The following OR2L3 variants were observed in gnomAD, a reference collection of about 807,000 sequenced individuals.
OR2L3 encodes olfactory receptor family 2 subfamily L member 3.
For missense variants in OR2L3, 369 were observed against 376.6 expected, an observed-to-expected ratio of 0.98 and a Z score of 0.17; for synonymous variants, 131 against 139.1, an observed-to-expected ratio of 0.94 and a Z score of 0.41.
rs1482611480 is a variant in OR2L3 at position 248,061,890 on chromosome 1, T to C, written c.*270T>C. On this transcript the variant is annotated 3_prime_UTR_variant, in exon 2 of 2. Transcript: ENST00000359959. ...CAATGAGAATTTTTGTTTTTGGTCA[T>C]GCAGAAATAGAAATGAAATTGGTCT... 6 of 295,000 alleles carry C rather than the reference T, an allele frequency of 2.0e-5. 1 individual carries two copies. In the Middle Eastern group the frequency reaches 5.0e-3, roughly 246 times the overall value. The allele number at this position is 295,000 out of a possible 1,614,324, so 18.3% of individuals were successfully genotyped here. A position where few individuals can be genotyped will look rare whatever the true frequency, so the allele number is the denominator to read the frequency against.
chr1:248,047,183 C>A (rs757285565), intron 1 of OR2L3, among the ~76,000 whole-genome samples: 13 of 152,086 alleles, frequency 8.5e-5, no homozygotes, highest in African/African-American at 1.2e-4. Context: ...ATTAAAGAAC[C>A]CACATTCATA....
At chr1:248,047,015 A>T (rs940823450) in intron 1 of OR2L3, 135 bp downstream of exon 1, 2 of 152,190 alleles carry the variant, frequency 1.3e-5, no homozygotes, top group Non-Finnish European at 2.9e-5. Flanking sequence ...TTTCTATAAC[A>T]CCATTCAGCA....
At chr1:248,048,086 A>C (rs780263810) in intron 1 of OR2L3, among the ~76,000 whole-genome samples, 12 of 152,198 alleles carry the variant, frequency 7.9e-5, no homozygotes, top group Non-Finnish European at 1.3e-4. Context: ...CCAAAATAAC[A>C]GTCAAAGGAT....
intron 1 of OR2L3, among the ~76,000 whole-genome samples, chr1:248,056,225 G>T (rs892213243): frequency 2.0e-5 from 3 of 151,828 alleles, no homozygotes; most frequent in Non-Finnish European, 2.9e-5. Flanking sequence ...ACAACGTGCA[G>T]GTTAGTTACA....
In OR2L3 at chr1:248,060,999, A is replaced by G. The variant is rs1663610799; in HGVS notation, c.318A>G (p.Leu106=). 6.2e-7 allele frequency: 1 copy of G among 1,613,960 alleles called. No homozygotes were observed. The highest frequency in any genetic ancestry group is 1.7e-5 in the Admixed American group (1 of 59,994). Residue 106 remains leucine, a synonymous_variant, in exon 2 of 2, where the codon TTA becomes TTG. Transcript: ENST00000359959. ...TTCAGAGTTTCTTCTTCTCGGCATTAGGAGGTGCAGAAGCACTACTTTTGG... is the reference window on the plus strand; with the variant it reads ...TTCAGAGTTTCTTCTTCTCGGCATTGGGAGGTGCAGAAGCACTACTTTTGG... The part of the protein sequence containing the change: ...CGIQSFFFSA[L]GGAEALLLAS...
intron 1 of OR2L3, among the ~76,000 whole-genome samples, chr1:248,050,805 A>C (rs1245350584): frequency 6.6e-6 from 1 of 152,134 alleles, no homozygotes; most frequent in Non-Finnish European, 1.5e-5. Flanking sequence ...TCTTAATGCC[A>C]ATCTCATCTT....
At chr1:248,047,534 T>C (rs1029702861) in intron 1 of OR2L3, among the ~76,000 whole-genome samples, 1 of 152,220 alleles carries the variant, frequency 6.6e-6, no homozygotes, top group Non-Finnish European at 1.5e-5. Context: ...GTATGATTAG[T>C]AGCTGTGCTA....
intron 1 of OR2L3, among the ~76,000 whole-genome samples, chr1:248,054,836 T>G (rs1353045548): frequency 1.3e-5 from 2 of 152,206 alleles, no homozygotes; most frequent in East Asian, 3.9e-4. Context: ...TTAAGAAGCC[T>G]TTGGGCTGAG....
intron 1 of OR2L3, among the ~76,000 whole-genome samples, chr1:248,048,253 A>G (rs1663144883): frequency 6.6e-6 from 1 of 152,342 alleles, no homozygotes; most frequent in South Asian, 2.1e-4. Flanking sequence ...TATTCACTTT[A>G]TATTCTTTAC....
In OR2L3 at chr1:248,063,172, G is replaced by T. The variant is rs1663698352; in HGVS notation, c.*1552G>T. The T allele has an allele frequency of 6.6e-6, 1 of 152,204 alleles. No homozygotes were observed. 9.4% of individuals were successfully genotyped at this position (152,204 alleles called of 1,614,324 possible). On this transcript the variant is annotated 3_prime_UTR_variant, in exon 2 of 2. Transcript: ENST00000359959. ...TTTTGATAGACATTGCATTGAATCT[G>T]TAGTTTGGTTATTTAAATAATATTA...
intron 1 of OR2L3, among the ~76,000 whole-genome samples, chr1:248,052,847 T>A (rs1025868638): frequency 1.3e-5 from 2 of 151,992 alleles, no homozygotes; most frequent in Non-Finnish European, 2.9e-5. Flanking sequence ...TAGAATGGGC[T>A]TTTCTGTTTC....
intron 1 of OR2L3, among the ~76,000 whole-genome samples, chr1:248,059,288 G>T (rs1177005641): frequency 6.6e-6 from 1 of 152,172 alleles, no homozygotes; most frequent in Non-Finnish European, 1.5e-5. Flanking sequence ...GTGCAAAGTT[G>T]TTCTCTGATG....
At chr1:248,047,226 C>G (rs1181419465) in intron 1 of OR2L3, among the ~76,000 whole-genome samples, 2 of 152,092 alleles carry the variant, frequency 1.3e-5, no homozygotes, top group African/African-American at 4.8e-5. Flanking sequence ...TTTCCTCATT[C>G]CTACTTGGCT....
At chr1:248,059,178 T>C (rs546116501) in intron 1 of OR2L3, among the ~76,000 whole-genome samples, 1 of 152,314 alleles carries the variant, frequency 6.6e-6, no homozygotes, top group South Asian at 2.1e-4. Context: ...GCTGTGTGAA[T>C]GTTAGTTGTA....
At position 248,061,919 on chromosome 1, in the gene OR2L3, TG is replaced by T. The variant is rs1384023814; in HGVS notation, c.*300del. ...GAAATAGAAATGAAATTGGTCTAAC[TG>T]AAGTTGGCACTCAGCATAACAATTT... On this transcript the variant is annotated 3_prime_UTR_variant, in exon 2 of 2. Transcript: ENST00000359959. The T allele has an allele frequency of 1.3e-5, 3 of 239,600 alleles. No individual in the cohort carries two copies. Among genetic ancestry groups the T allele is most frequent in the Non-Finnish European group, 2.4e-5 (3 of 123,742 alleles). The allele number at this position is 239,600 out of a possible 1,614,324, so 14.8% of individuals were successfully genotyped here. A position where few individuals can be genotyped will look rare whatever the true frequency, so the allele number is the denominator to read the frequency against.
chr1:248,063,308 C>T lies in OR2L3; in HGVS notation c.*1688C>T, dbSNP rs182986018. 1 of 152,340 alleles carries T rather than the reference C, an allele frequency of 6.6e-6. No individual in the cohort carries two copies. The highest frequency in any genetic ancestry group is 2.4e-5 in the African/African-American group (1 of 41,582). 9.4% of individuals were successfully genotyped at this position (152,340 alleles called of 1,614,324 possible). On this transcript the variant is annotated 3_prime_UTR_variant, in exon 2 of 2. Coordinates refer to ENST00000359959, the MANE Select transcript of OR2L3 (RefSeq NM_001004687.2). ...ATTCTAGTGTTCTCTTCCATGACTA[C>T]CGTTAACGGTAAAGTATTACATAGT...
chr1:248,061,673 G>T lies in OR2L3; in HGVS notation c.*53G>T. 2 of 1,427,834 alleles carry T rather than the reference G, an allele frequency of 1.4e-6. No homozygotes were observed. Among genetic ancestry groups the T allele is most frequent in the East Asian group, 4.6e-5 (2 of 43,150 alleles). The allele number at this position is 1,427,834 out of a possible 1,614,324, so 88.4% of individuals were successfully genotyped here. A position where few individuals can be genotyped will look rare whatever the true frequency, so the allele number is the denominator to read the frequency against. On this transcript the variant is annotated 3_prime_UTR_variant, in exon 2 of 2. Coordinates refer to ENST00000359959, the MANE Select transcript of OR2L3 (RefSeq NM_001004687.2). The stretch of plus-strand genomic sequence containing the variant: ...CTCAGATACACATCCATCCAGCAGT[G>T]TATAGTAATTAAAATATTATTTCAA...
intron 1 of OR2L3, among the ~76,000 whole-genome samples, chr1:248,048,532 C>G (rs1419861891): frequency 1.3e-5 from 2 of 152,080 alleles, no homozygotes; most frequent in East Asian, 1.9e-4. Flanking sequence ...GATTGACATT[C>G]TAGACAAGTG....
chr1:248,058,443 T>C (rs1456553967), intron 1 of OR2L3, among the ~76,000 whole-genome samples: 1 of 152,170 alleles, frequency 6.6e-6, no homozygotes, highest in Non-Finnish European at 1.5e-5. Flanking sequence ...TTACACCTTA[T>C]GTCTGCACCA....
Sources: allele counts gnomAD v4.1 joint callset (sites outside exome capture counted in the v4.1 genomes callset), GRCh38; gene constraint gnomAD v4.1.1; transcripts MANE v1.5; gene names NCBI Gene and HGNC (gene_info 2026-07-23, HGNC 2026-07-21).